The following TRMT11 variants were observed in gnomAD, a reference collection of about 807,000 sequenced individuals.
TRMT11 encodes the protein tRNA methyltransferase 11, also known as tRNA (guanine(10)-N(2))-methyltransferase TRMT11.
TRMT11 carries 53 observed loss-of-function variants against 62.8 expected under a neutral mutation model. The observed-to-expected ratio is 0.84, with a 90% confidence interval of 0.68 to 1.06. The LOEUF (loss-of-function observed/expected upper bound fraction) is 1.06. Ranked by LOEUF, TRMT11 falls within the 50% of genes least tolerant of loss-of-function variation. The probability of loss-of-function intolerance (pLI) is 0.00; values close to 1 mark genes in which losing one functional copy is unlikely to be tolerated. For missense variants in TRMT11, 556 were observed against 553.4 expected, an observed-to-expected ratio of 1.00 and a Z score of -0.05; for synonymous variants, 188 against 190.3, an observed-to-expected ratio of 0.99 and a Z score of 0.10.
chr6:126,175,119 C>T (rs1778370919), upstream of TRMT11, among the ~76,000 whole-genome samples: 1 of 152,202 alleles, frequency 6.6e-6, no homozygotes, highest in East Asian at 1.9e-4. Context: ...TCATTGACTA[C>T]TTTTCCTGTG....
intron 21 of TRMT11, among the ~76,000 whole-genome samples, chr6:126,167,247 G>T (rs1235584542): frequency 2.6e-5 from 4 of 152,218 alleles, no homozygotes; most frequent in Non-Finnish European, 5.9e-5. Context: ...GGTGGTGTAG[G>T]CACCCGAGGG....
At chr6:126,027,702 G>A (rs1174769137) in intron 12 of TRMT11, among the ~76,000 whole-genome samples, 1 of 152,138 alleles carries the variant, frequency 6.6e-6, no homozygotes, top group African/African-American at 2.4e-5. Flanking sequence ...GAAGGTCACA[G>A]TGGCAGTTGA....
chr6:126,088,159 T>C (rs1239805233), intron 17 of TRMT11, among the ~76,000 whole-genome samples: 1 of 152,082 alleles, frequency 6.6e-6, no homozygotes, highest in African/African-American at 2.4e-5. Flanking sequence ...ATATATACTC[T>C]CTATAGTATA....
chr6:126,185,768 T>G (rs1778519868), intron 1 of TRMT11, among the ~76,000 whole-genome samples: 1 of 152,176 alleles, frequency 6.6e-6, no homozygotes, highest in African/African-American at 2.4e-5. Context: ...CAGTTCTGCA[T>G]GGCTGGGGAG....
At chr6:126,000,995 T>C (rs1459579025) in intron 7 of TRMT11, among the ~76,000 whole-genome samples, 1 of 152,188 alleles carries the variant, frequency 6.6e-6, no homozygotes, top group African/African-American at 2.4e-5. Flanking sequence ...TCATTTGTTT[T>C]ATCATTTGTT....
intron 1 of TRMT11, among the ~76,000 whole-genome samples, chr6:125,987,737 C>T (rs1789898027): frequency 6.6e-6 from 1 of 152,176 alleles, no homozygotes; most frequent in Non-Finnish European, 1.5e-5. Context: ...GAAAGGGGCA[C>T]CAGTCAGGTA....
the TRMT11 span, among the ~76,000 whole-genome samples, chr6:126,235,389 A>T: frequency 6.6e-6 from 1 of 152,240 alleles, no homozygotes; most frequent in Admixed American, 6.5e-5. Flanking sequence ...TTCTATTACA[A>T]AGGTACATGT....
the TRMT11 span, among the ~76,000 whole-genome samples, chr6:126,233,031 C>T: frequency 6.6e-6 from 1 of 152,012 alleles, no homozygotes; most frequent in Admixed American, 6.6e-5. Flanking sequence ...TTGCTTTGTT[C>T]TGCATGCTTT....
chr6:126,264,089 T>C, the TRMT11 span, among the ~76,000 whole-genome samples: 1 of 152,120 alleles, frequency 6.6e-6, no homozygotes, highest in Non-Finnish European at 1.5e-5. Flanking sequence ...CATTAACACG[T>C]GCCTAGGTGT....
chr6:126,266,293 A>AACTTTTAATAT, the TRMT11 span, among the ~76,000 whole-genome samples: 9 of 152,290 alleles, frequency 5.9e-5, no homozygotes, highest in African/African-American at 2.2e-4. Flanking sequence ...GGGCGCTCAG[A>AACTTTTAATAT]ATGTGAAGAG....
intron 3 of TRMT11, among the ~76,000 whole-genome samples, chr6:126,200,842 C>A (rs187475834): frequency 6.6e-6 from 1 of 152,192 alleles, no homozygotes; most frequent in African/African-American, 2.4e-5. Flanking sequence ...CGTGACCCAC[C>A]GCGCCCGGCC....
At chr6:126,239,507 CT>C in the TRMT11 span, among the ~76,000 whole-genome samples, 3 of 152,112 alleles carry the variant, frequency 2.0e-5, no homozygotes, top group African/African-American at 7.2e-5. Context: ...GTTGAAAATT[CT>C]TTTCTTTAAG....
At chr6:126,160,839 T>G (rs2128228336) in intron 21 of TRMT11, among the ~76,000 whole-genome samples, 1 of 152,288 alleles carries the variant, frequency 6.6e-6, no homozygotes, top group South Asian at 2.1e-4. Flanking sequence ...ATAATCTTCT[T>G]TTAGGTGAAG....
intron 2 of TRMT11, 53 bp from the exon 3 acceptor site, chr6:125,995,912 CAT>C (rs1180941428): frequency 4.8e-6 from 5 of 1,038,084 alleles, no homozygotes; most frequent in Non-Finnish European, 4.6e-6. Context: ...TGAATAAAAG[CAT>C]ATGAGGCCAT....
rs1775684624 is a variant in TRMT11 at position 126,038,760 on chromosome 6, A to T, written c.1316A>T (p.His439Leu). The change falls in exon 13 of 13, where the codon CAT becomes CTT. Residue 439 changes from histidine to leucine, a missense_variant. Coordinates refer to ENST00000334379, the MANE Select transcript of TRMT11 (RefSeq NM_001031712.3). The part of the protein sequence containing the change: ...LSDHFLPYQG[H>L]NSFREKYFSG... Reference sequence around the variant, plus strand: ...GATCATTTTCTGCCATACCAAGGTCATAATTCCTTCCGTGAGAAATATTTT... The same window carrying T: ...GATCATTTTCTGCCATACCAAGGTCTTAATTCCTTCCGTGAGAAATATTTT... 6.2e-7 allele frequency: 1 copy of T among 1,605,830 alleles called. No homozygotes were observed. The highest frequency in any genetic ancestry group is 1.3e-5 in the African/African-American group (1 of 74,310).
chr6:125,999,373 C>T, intron 6 of TRMT11, 84 bp from the exon 7 acceptor site: 1 of 1,087,970 alleles, frequency 9.2e-7, no homozygotes. Flanking sequence ...TTCTTATCAG[C>T]AAAATACAAT....
At chr6:126,171,308 TA>T (rs1280374367) in intron 21 of TRMT11, among the ~76,000 whole-genome samples, 3 of 151,830 alleles carry the variant, frequency 2.0e-5, no homozygotes, top group South Asian at 2.1e-4. Flanking sequence ...GTGTTTGTGG[TA>T]ACAGAAGGAA....
chr6:126,028,272 A>T (rs1773559744), intron 12 of TRMT11, among the ~76,000 whole-genome samples: 1 of 152,168 alleles, frequency 6.6e-6, no homozygotes, highest in African/African-American at 2.4e-5. Flanking sequence ...AGATAGATAT[A>T]GGTAATAACC....
chr6:126,234,700 T>C, the TRMT11 span, among the ~76,000 whole-genome samples: 1 of 152,186 alleles, frequency 6.6e-6, no homozygotes, highest in African/African-American at 2.4e-5. Flanking sequence ...CTTTAAAAAT[T>C]AATATATGTG....
Sources: gnomAD v4.1 joint callset for allele counts (sites outside exome capture counted in the v4.1 genomes callset) on GRCh38, gnomAD v4.1.1 for gene constraint, MANE v1.5 for transcripts, NCBI Gene and HGNC (gene_info 2026-07-23, HGNC 2026-07-21) for gene names.